The following RALGAPA2 variants were observed in gnomAD, a reference collection of about 807,000 sequenced individuals.
The protein encoded by RALGAPA2 is Ral GTPase activating protein catalytic subunit alpha 2, also known as ral GTPase-activating protein subunit alpha-2.
RALGAPA2 carries 139 observed loss-of-function variants against 230.4 expected under a neutral mutation model. That is an observed-to-expected ratio of 0.60 (90% CI 0.53 to 0.69). The LOEUF (loss-of-function observed/expected upper bound fraction) is 0.69. Among genes scored for constraint, RALGAPA2 ranks in the 30% least tolerant of loss-of-function variants. RALGAPA2 has a pLI of 0.00. For missense variants in RALGAPA2, 2,163 were observed against 2,276.0 expected (o/e 0.95, Z 1.01); for synonymous variants, 847 against 837.8 (o/e 1.01, Z -0.19).
chr20:20,477,881 C>T (rs1602489145), intron 36 of RALGAPA2, among the ~76,000 whole-genome samples: 1 of 152,134 alleles, frequency 6.6e-6, no homozygotes, highest in East Asian at 1.9e-4. Flanking sequence ...AGCCACTGTG[C>T]CCGGCCCACT....
intron 10 of RALGAPA2, among the ~76,000 whole-genome samples, chr20:20,627,088 A>G (rs2066512306): frequency 6.6e-6 from 1 of 152,190 alleles, no homozygotes; most frequent in Admixed American, 6.5e-5. Flanking sequence ...CTATTACGAT[A>G]AAAAGAAAAG....
chr20:20,628,938 CAG>C (rs1419012609), intron 10 of RALGAPA2, among the ~76,000 whole-genome samples: 3 of 152,148 alleles, frequency 2.0e-5, no homozygotes, highest in African/African-American at 7.2e-5. Flanking sequence ...CACGCCTCTG[CAG>C]AGTTTTTGCA....
At chr20:20,633,846 T>C (rs771772825) in intron 9 of RALGAPA2, among the ~76,000 whole-genome samples, 1 of 152,246 alleles carries the variant, frequency 6.6e-6, no homozygotes, top group Admixed American at 6.5e-5. Context: ...CAGTATGTTG[T>C]AAGAGGCAAG....
At chr20:20,592,018 A>C (rs1358707094) in intron 16 of RALGAPA2, among the ~76,000 whole-genome samples, 2 of 152,102 alleles carry the variant, frequency 1.3e-5, no homozygotes, top group African/African-American at 4.8e-5. Flanking sequence ...TGCACAGTAC[A>C]CTTTAATCTC....
intron 37 of RALGAPA2, among the ~76,000 whole-genome samples, chr20:20,465,058 T>C (rs2123319530): frequency 6.6e-6 from 1 of 151,996 alleles, no homozygotes; most frequent in East Asian, 1.9e-4. Context: ...AAAAGTATCA[T>C]TTTATAAAAT....
chr20:20,615,110 T>C (rs1466258671), intron 13 of RALGAPA2, among the ~76,000 whole-genome samples: 5 of 151,564 alleles, frequency 3.3e-5, no homozygotes, highest in African/African-American at 9.7e-5. Context: ...GGCTTTCTGG[T>C]CTGTTGCTGA....
At chr20:20,612,583 T>C (rs1029911176) in intron 13 of RALGAPA2, among the ~76,000 whole-genome samples, 1 of 152,194 alleles carries the variant, frequency 6.6e-6, no homozygotes, top group African/African-American at 2.4e-5. Flanking sequence ...CCCCATTTGA[T>C]TTTGGTCCCC....
chr20:20,432,880 G>A (rs1286414683), intron 37 of RALGAPA2, among the ~76,000 whole-genome samples: 2 of 152,150 alleles, frequency 1.3e-5, no homozygotes, highest in Admixed American at 1.3e-4. Context: ...CTGTCCATGT[G>A]AAAGTGACTG....
intron 17 of RALGAPA2, 110 bp downstream of exon 17, chr20:20,591,067 C>T: frequency 1.6e-6 from 2 of 1,247,298 alleles, no homozygotes; most frequent in South Asian, 2.0e-5. Context: ...AAAGGTAATT[C>T]CCTTGAAATA....
chr20:20,707,025 G>A (rs943487079), intron 1 of RALGAPA2, among the ~76,000 whole-genome samples: 1 of 151,974 alleles, frequency 6.6e-6, no homozygotes, highest in Admixed American at 6.6e-5. Context: ...CCCCAGACAC[G>A]CCACTTGGAT....
chr20:20,667,622 G>C (rs531106017), intron 3 of RALGAPA2, among the ~76,000 whole-genome samples: 11 of 152,302 alleles, frequency 7.2e-5, no homozygotes, highest in African/African-American at 2.6e-4. Context: ...TTGCTGTGTG[G>C]TTCACCTGCT....
chr20:20,572,001 G>T, intron 21 of RALGAPA2, 55 bp from the exon 22 acceptor site: 2 of 1,222,716 alleles, frequency 1.6e-6, no homozygotes, highest in Non-Finnish European at 2.4e-6. Context: ...TATCCCAACA[G>T]TATTTCAACA....
At chr20:20,592,583 T>C (rs17741669) in intron 16 of RALGAPA2, among the ~76,000 whole-genome samples, 10,129 of 152,214 alleles carry the variant, frequency 0.067, 455 homozygotes, top group East Asian at 0.16. Flanking sequence ...ATAACTAGAA[T>C]ATTTTCCACA....
chr20:20,459,096 C>T (rs1395593778), intron 37 of RALGAPA2, among the ~76,000 whole-genome samples: 1 of 151,742 alleles, frequency 6.6e-6, no homozygotes, highest in Non-Finnish European at 1.5e-5. Flanking sequence ...GCTATGAAAC[C>T]AAGTTATCAA....
chr20:20,487,948 CT>C (rs1257358501), intron 36 of RALGAPA2, among the ~76,000 whole-genome samples: 1 of 151,300 alleles, frequency 6.6e-6, no homozygotes, highest in Non-Finnish European at 1.5e-5. Context: ...TGAGGGCAGA[CT>C]TTGTTAAGAA....
chr20:20,452,678 G>A (rs2123176457), intron 37 of RALGAPA2, among the ~76,000 whole-genome samples: 1 of 152,394 alleles, frequency 6.6e-6, no homozygotes, highest in East Asian at 1.9e-4. Context: ...TAAGTGCAAT[G>A]TCGGCCGGCA....
chr20:20,663,935 A>T (rs1283948034), intron 3 of RALGAPA2, among the ~76,000 whole-genome samples: 2 of 152,170 alleles, frequency 1.3e-5, no homozygotes, highest in Non-Finnish European at 2.9e-5. Flanking sequence ...GAACACAAGC[A>T]ATGTGATACC....
At chr20:20,705,362 T>C (rs1448698177) in intron 1 of RALGAPA2, among the ~76,000 whole-genome samples, 1 of 150,520 alleles carries the variant, frequency 6.6e-6, no homozygotes, top group Non-Finnish European at 1.5e-5. Flanking sequence ...CATGCAACCA[T>C]ACCCAGCTAA....
intron 27 of RALGAPA2, among the ~76,000 whole-genome samples, chr20:20,527,483 T>G (rs2063241506): frequency 6.6e-6 from 1 of 152,132 alleles, no homozygotes; most frequent in Admixed American, 6.5e-5. Flanking sequence ...CACCTGCTCC[T>G]TCCCAACTTT....
Sources: gnomAD v4.1 joint callset for allele counts (sites outside exome capture counted in the v4.1 genomes callset) on GRCh38, gnomAD v4.1.1 for gene constraint, MANE v1.5 for transcripts, NCBI Gene and HGNC (gene_info 2026-07-23, HGNC 2026-07-21) for gene names.